The following MCOLN3 variants were observed in gnomAD, a reference collection of about 807,000 sequenced individuals.
The protein encoded by MCOLN3 is mucolipin-3.
Under a neutral mutation model 69.4 loss-of-function variants are expected in MCOLN3, and 62 were observed. That is an observed-to-expected ratio of 0.89 (90% CI 0.73 to 1.10). The LOEUF (loss-of-function observed/expected upper bound fraction) is 1.10, where lower values mean the gene tolerates loss of function less well. Ranked by LOEUF, MCOLN3 falls within the 50% of genes least tolerant of loss-of-function variation. MCOLN3 has a pLI of 0.00. For missense variants in MCOLN3, 564 were observed against 656.4 expected (o/e 0.86, Z 1.54); for synonymous variants, 183 against 217.0 (o/e 0.84, Z 1.38).
In MCOLN3 at chr1:85,026,206, A is replaced by G; in HGVS notation, c.911T>C (p.Ile304Thr). ...LTCLVSLILC[I>T]RSVIRGLQLQ... Reference sequence around the variant, plus strand: ...CTGAAGTCCTCTAATCACAGATCTAATGCAGAGGATTAATGAAACCAAGCA... The same window carrying G: ...CTGAAGTCCTCTAATCACAGATCTAGTGCAGAGGATTAATGAAACCAAGCA... The change falls in exon 8 of 13, where the codon ATT becomes ACT. Residue 304 changes from isoleucine to threonine, a missense_variant. Ile to Thr is a moderately conservative substitution (Grantham distance 89). Transcript: ENST00000370589. The G allele has an allele frequency of 6.2e-7, 1 of 1,614,104 alleles. No individual in the cohort carries two copies. Among genetic ancestry groups the G allele is most frequent in the Non-Finnish European group, 8.5e-7 (1 of 1,179,950 alleles).
At chr1:85,029,384 C>G (rs1287701896) in intron 6 of MCOLN3, 179 bp from the exon 7 acceptor site, 1 of 562,040 alleles carries the variant, frequency 1.8e-6, no homozygotes, top group Non-Finnish European at 3.2e-6. Context: ...GAAATGAGAA[C>G]GATGAACTAG....
Position 85,045,198 on chromosome 1 carries a change from C to A in MCOLN3, c.163G>T (p.Ala55Ser). The change falls in exon 2 of 13, where the codon GCT becomes TCT. Residue 55 changes from alanine to serine, a missense_variant. Physicochemically the swap from Ala to Ser is moderately conservative, Grantham distance 99. Coordinates refer to ENST00000370589, the MANE Select transcript of MCOLN3 (RefSeq NM_018298.11). The stretch of plus-strand genomic sequence containing the variant: ...AGTTTCCATGGTTTTCTACCTCGAG[C>A]CCAGAACTTCTCACAGGGATTCATG... The part of the protein sequence containing the change: ...FFMNPCEKFW[A>S]RGRKPWKLAI... 1 of 1,614,020 alleles carries A rather than the reference C, an allele frequency of 6.2e-7. No homozygotes were observed. The highest frequency in any genetic ancestry group is 8.5e-7 in the Non-Finnish European group (1 of 1,180,000).
Position 85,031,512 on chromosome 1 carries a change from C to T in MCOLN3, c.732+1184G>A, listed in dbSNP as rs189670660. Among the ~76,000 whole-genome samples, 871 of 152,114 alleles carry T rather than the reference C, an allele frequency of 5.7e-3. 10 individuals are homozygous for T. The highest frequency in any genetic ancestry group is 0.046 in the South Asian group (223 of 4,818). The stretch of plus-strand genomic sequence containing the variant: ...AAATATCACCTGTACCCCATAAATA[C>T]GTATTCGTAAAATTTTTATTTAAAA... On this transcript the variant is annotated intron_variant, in intron 6 of 12. Coordinates refer to ENST00000370589, the MANE Select transcript of MCOLN3 (RefSeq NM_018298.11).
intron 9 of MCOLN3, chr1:85,022,755 C>T (rs1374204113): frequency 4.9e-6 from 1 of 203,132 alleles, no homozygotes; most frequent in East Asian, 1.5e-4. Flanking sequence ...AGGGGAGAAG[C>T]CTTCCAGGCA....
At chr1:85,029,241 T>C (rs371360127) in intron 6 of MCOLN3, 36 bp from the exon 7 acceptor site, 15 of 1,356,424 alleles carry the variant, frequency 1.1e-5, no homozygotes, top group Admixed American at 1.7e-5. Context: ...AACATACTTA[T>C]AGTTTTGGAG....
At chr1:85,030,533 G>A (rs1332728449) in intron 6 of MCOLN3, among the ~76,000 whole-genome samples, 1 of 152,132 alleles carries the variant, frequency 6.6e-6, no homozygotes, top group Non-Finnish European at 1.5e-5. Flanking sequence ...CTGAATCTCT[G>A]AAAAGGTGGG....
chr1:85,036,067 G>A (rs1387700690), intron 3 of MCOLN3, among the ~76,000 whole-genome samples: 1 of 152,164 alleles, frequency 6.6e-6, no homozygotes, highest in African/African-American at 2.4e-5. Flanking sequence ...ACTGACAGAT[G>A]ATGCTCTTCT....
intron 1 of MCOLN3, among the ~76,000 whole-genome samples, chr1:85,047,799 T>C (rs188540144): frequency 2.6e-5 from 4 of 152,352 alleles, no homozygotes; most frequent in Non-Finnish European, 5.9e-5. Context: ...TTGGGTAGTG[T>C]GTGCGAGAAA....
At chr1:85,032,549 C>T in intron 6 of MCOLN3, 147 bp downstream of exon 6, 1 of 686,820 alleles carries the variant, frequency 1.5e-6, no homozygotes, top group African/African-American at 1.8e-5. Flanking sequence ...CAAAATAGAG[C>T]TAGATGTATC....
In MCOLN3 at chr1:85,045,239, T is replaced by C; in HGVS notation, c.122A>G (p.Lys41Arg). 1.2e-6 allele frequency: 2 copies of C among 1,614,140 alleles called. No individual in the cohort carries two copies. The highest frequency in any genetic ancestry group is 1.7e-6 in the Non-Finnish European group (2 of 1,180,012). ...ELLLEDQMRR[K>R]LKFFFMNPCE... ...GGGATTCATGAAAAAAAATTTGAGT[T>C]TTCGCCTCATCTGGTCTTCTAATAG... Residue 41 changes from lysine to arginine, a missense_variant, in exon 2 of 13, where the codon AAA (lysine) becomes AGA (arginine). Physicochemically the swap from Lys to Arg is conservative, Grantham distance 26. Coordinates refer to ENST00000370589, the MANE Select transcript of MCOLN3 (RefSeq NM_018298.11).
At chr1:85,021,385 C>T in intron 11 of MCOLN3, 109 bp from the exon 12 acceptor site, 5 of 830,404 alleles carry the variant, frequency 6.0e-6, no homozygotes, top group Non-Finnish European at 9.4e-6. Flanking sequence ...CCCAAGCTAC[C>T]ATTTTCAAAC....
Position 85,022,186 on chromosome 1 carries a change from TGAG to T in MCOLN3, c.1201_1203del (p.Leu401del), listed in dbSNP as rs1651975139. On this transcript the variant is annotated inframe_deletion, in exon 11 of 13. Transcript: ENST00000370589. ...GGCAGCGCTGCCTGAAGGGTCAAAA[TGAG>T]GAGCTGGGAAAGTAAGAGAGGCCAT... The T allele has an allele frequency of 6.2e-7, 1 of 1,613,898 alleles. No homozygotes were observed. The highest frequency in any genetic ancestry group is 8.5e-7 in the Non-Finnish European group (1 of 1,179,924).
rs145415537 is a variant in MCOLN3, at chr1:85,045,147, T to C, written c.214A>G (p.Met72Val). 4.5e-5 allele frequency: 73 copies of C among 1,613,598 alleles called. No individual in the cohort carries two copies. Among genetic ancestry groups the C allele is most frequent in the Admixed American group, 2.3e-4 (14 of 59,964 alleles). Residue 72 changes from methionine to valine, a missense_variant, in exon 2 of 13, where the codon ATG (methionine) becomes GTG (valine). Met to Val is a conservative substitution (Grantham distance 21). Transcript: ENST00000370589. ...GAGATGCTTACCTGGATAGTCACCA[T>C]TGCAATTTTTAGAATTTGTATGGCA... ...KLAIQILKIA[M>V]VTIQLVLFGL... is the part of the protein sequence containing the mutation.
intron 7 of MCOLN3, among the ~76,000 whole-genome samples, chr1:85,028,855 G>A (rs753712722): frequency 2.0e-5 from 3 of 152,164 alleles, no homozygotes; most frequent in Non-Finnish European, 4.4e-5. Flanking sequence ...GGGTTTTGGT[G>A]GCGGGGGACT....
rs1266291191 is a variant in MCOLN3 at position 85,034,120 on chromosome 1, G to A, written c.528C>T (p.Asp176=). The A allele has an allele frequency of 1.9e-6, 3 of 1,614,088 alleles. No individual in the cohort carries two copies. Among genetic ancestry groups the A allele is most frequent in the Non-Finnish European group, 2.5e-6 (3 of 1,180,022 alleles). Residue 176 remains aspartate, a synonymous_variant, in exon 4 of 13, where the codon GAC becomes GAT. Coordinates refer to ENST00000370589, the MANE Select transcript of MCOLN3 (RefSeq NM_018298.11). ...GNIYPGNDTF[D]IDPEIETECF... The stretch of plus-strand genomic sequence containing the variant: ...CACCAGTTTCAATTTCTGGATCGAT[G>A]TCAAAGGTATCATTTCCAGGGTAGA...
chr1:85,048,158 C>G (rs1571136232), intron 1 of MCOLN3, among the ~76,000 whole-genome samples: 1 of 151,846 alleles, frequency 6.6e-6, no homozygotes, highest in East Asian at 2.0e-4. Flanking sequence ...CAGCCCCGGG[C>G]AGGCCCGGCA....
At chr1:85,046,552 G>C (rs1653364180) in intron 1 of MCOLN3, among the ~76,000 whole-genome samples, 1 of 152,112 alleles carries the variant, frequency 6.6e-6, no homozygotes, top group Non-Finnish European at 1.5e-5. Context: ...ATAATAACTT[G>C]TACTCAGCAA....
chr1:85,029,149 G>A lies in MCOLN3; in HGVS notation c.789C>T (p.Asp263=), dbSNP rs758203682. ...AGTCTTTACATTCTCTGATGGAAAT[G>A]TCATTATCTAAACTTATTTTAATTC... ...SGRIKISLDN[D]ISIRECKDWH... Residue 263 remains aspartate, a synonymous_variant, in exon 7 of 13, where the codon GAC becomes GAT. Coordinates refer to ENST00000370589, the MANE Select transcript of MCOLN3 (RefSeq NM_018298.11). 210 of 1,606,618 alleles carry A rather than the reference G, an allele frequency of 1.3e-4. No individual in the cohort carries two copies. Among genetic ancestry groups the A allele is most frequent in the Non-Finnish European group, 1.7e-4 (199 of 1,173,442 alleles).
chr1:85,042,166 T>C (rs1311649381), intron 2 of MCOLN3, among the ~76,000 whole-genome samples: 1 of 152,188 alleles, frequency 6.6e-6, no homozygotes, highest in Admixed American at 6.5e-5. Context: ...CTGCGGTGTA[T>C]TCCTCATACA....
Sources: allele counts gnomAD v4.1 joint callset (sites outside exome capture counted in the v4.1 genomes callset), GRCh38; gene constraint gnomAD v4.1.1; transcripts MANE v1.5; gene names NCBI Gene and HGNC (gene_info 2026-07-23, HGNC 2026-07-21).